Variants in PROM1 observed in about 807,000 individuals in gnomAD.
The protein encoded by PROM1 is prominin-1.
A neutral mutation model predicts 116.9 loss-of-function variants in PROM1; 105 were observed. The observed-to-expected ratio is 0.90, with a 90% CI of 0.77 to 1.06. The LOEUF (loss-of-function observed/expected upper bound fraction) is 1.06, where lower values mean the gene tolerates loss of function less well. Among genes scored for constraint, PROM1 ranks in the 50% least tolerant of loss-of-function variants. PROM1 has a pLI of 0.00. For synonymous variants in PROM1, 393 were observed against 387.0 expected (o/e 1.02, Z -0.18); for missense variants, 1,122 against 1,045.2 (o/e 1.07, Z -1.01).
At chr4:16,023,441 G>C (rs748286968) in intron 7 of PROM1, 26 bp from the exon 8 acceptor site, 1 of 1,534,574 alleles carries the variant, frequency 6.5e-7, no homozygotes, top group Non-Finnish European at 8.9e-7. Context: ...CACAAAGATG[G>C]TGAGGGTGGC....
intron 5 of PROM1, among the ~76,000 whole-genome samples, chr4:16,032,044 C>A (rs1732828741): frequency 6.6e-6 from 1 of 152,200 alleles, no homozygotes; most frequent in Non-Finnish European, 1.5e-5. Flanking sequence ...CCACAACCCT[C>A]AATTTCCTTT....
intron 11 of PROM1, 137 bp downstream of exon 11, chr4:16,013,138 C>T: frequency 1.5e-6 from 1 of 685,992 alleles, no homozygotes; most frequent in South Asian, 2.0e-5. Context: ...AATTGTAAAG[C>T]TCTGATATTT....
At chr4:16,037,211 T>G (rs1179902088) in intron 3 of PROM1, among the ~76,000 whole-genome samples, 1 of 152,228 alleles carries the variant, frequency 6.6e-6, no homozygotes, top group South Asian at 2.1e-4. Flanking sequence ...TGGCTAAGCA[T>G]GTTATGCTAA....
chr4:16,062,343 T>C (rs1290734116), intron 2 of PROM1, among the ~76,000 whole-genome samples: 1 of 152,142 alleles, frequency 6.6e-6, no homozygotes, highest in Non-Finnish European at 1.5e-5. Flanking sequence ...TTCCACATAA[T>C]TTTCGGGTGA....
At chr4:15,996,512 AAAATAAATAAAT>A (rs34403866) in intron 15 of PROM1, among the ~76,000 whole-genome samples, 6 of 149,498 alleles carry the variant, frequency 4.0e-5, no homozygotes, top group South Asian at 4.3e-4. Flanking sequence ...TCCATCTCAG[AAAATAAATAAAT>A]AAATAAATAA....
chr4:16,067,884 G>A (rs1224472599), intron 2 of PROM1, among the ~76,000 whole-genome samples: 3 of 152,132 alleles, frequency 2.0e-5, no homozygotes, highest in South Asian at 2.1e-4. Context: ...ATGGCTCCAC[G>A]GTTTATGATT....
chr4:16,000,593 C>A lies in PROM1; in HGVS notation c.1481G>T (p.Cys494Phe). Reference protein sequence around the residue: ...MVGVGLSFLFCWILMIIVVLT... With the variant: ...MVGVGLSFLFFWILMIIVVLT... The stretch of plus-strand genomic sequence containing the variant: ...AACCACAATGATCATCAATATCCAG[C>A]AAAAGAGGAAACTTAATCCAACTCC... The change falls in exon 14 of 28, where the codon TGC (cysteine) becomes TTC (phenylalanine). Residue 494 changes from cysteine (C) to phenylalanine (F), a missense_variant. Cys to Phe is a radical substitution (Grantham distance 205, BLOSUM62 -2). Coordinates refer to ENST00000447510, the MANE Select transcript of PROM1 (RefSeq NM_006017.3). The A allele has an allele frequency of 6.4e-7, 1 of 1,570,858 alleles. No homozygotes were observed. Among genetic ancestry groups the A allele is most frequent in the Non-Finnish European group, 8.7e-7 (1 of 1,150,968 alleles).
intron 23 of PROM1, 80 bp downstream of exon 23, chr4:15,984,183 T>C (rs1387861584): frequency 1.7e-6 from 2 of 1,159,778 alleles, no homozygotes; most frequent in African/African-American, 3.1e-5. Context: ...AAAACAAATA[T>C]TATAATGTAT....
At chr4:16,004,805 A>ATCTTTCTT (rs147556972) in intron 13 of PROM1, among the ~76,000 whole-genome samples, 6 of 124,980 alleles carry the variant, frequency 4.8e-5, no homozygotes, top group African/African-American at 1.2e-4. Context: ...CTTGCAGCTA[A>ATCTTTCTT]TCTTTCTTTC....
At chr4:16,024,400 CA>C in intron 6 of PROM1, 42 bp from the exon 7 acceptor site, 1 of 1,532,602 alleles carries the variant, frequency 6.5e-7, no homozygotes, top group Non-Finnish European at 8.9e-7. Flanking sequence ...TTCTAAGGTC[CA>C]AAGGCAATAA....
chr4:15,982,694 C>T (rs1418003575), intron 23 of PROM1, among the ~76,000 whole-genome samples: 1 of 152,080 alleles, frequency 6.6e-6, no homozygotes, highest in African/African-American at 2.4e-5. Flanking sequence ...GGAGGCTGGA[C>T]ATAGAGAGAC....
At chr4:15,989,968 G>C in intron 18 of PROM1, 144 bp from the exon 19 acceptor site, 1 of 651,104 alleles carries the variant, frequency 1.5e-6, no homozygotes, top group Non-Finnish European at 2.7e-6. Flanking sequence ...GGGGGCTGGT[G>C]TGAGGGATAG....
At chr4:15,984,014 A>G (rs1718633879) in intron 23 of PROM1, among the ~76,000 whole-genome samples, 1 of 152,190 alleles carries the variant, frequency 6.6e-6, no homozygotes, top group East Asian at 1.9e-4. Flanking sequence ...GATTATTCTG[A>G]ACTAACAGGA....
chr4:16,075,569 G>T (rs1161941884), intron 2 of PROM1, 118 bp downstream of exon 2: 15 of 1,023,090 alleles, frequency 1.5e-5, no homozygotes, highest in Non-Finnish European at 1.9e-5. Flanking sequence ...TTCTGCTTCT[G>T]TGCAAAGCAA....
chr4:15,972,002 C>T (rs1187163373), intron 26 of PROM1: 1 of 152,220 alleles, frequency 6.6e-6, no homozygotes, highest in Non-Finnish European at 1.5e-5. Context: ...TGTTACTGTC[C>T]ACCTCACCAG....
intron 2 of PROM1, among the ~76,000 whole-genome samples, chr4:16,059,022 C>T (rs1449957291): frequency 6.6e-6 from 1 of 152,176 alleles, no homozygotes; most frequent in South Asian, 2.1e-4. Context: ...TGGACAGAAC[C>T]TTTATATCAA....
chr4:16,051,260 A>T (rs1266531182), intron 2 of PROM1, among the ~76,000 whole-genome samples: 1 of 152,252 alleles, frequency 6.6e-6, no homozygotes, highest in Non-Finnish European at 1.5e-5. Flanking sequence ...AAATGCCAGG[A>T]TGGGAGATGA....
At chr4:16,011,964 T>C (rs534175664) in intron 11 of PROM1, among the ~76,000 whole-genome samples, 1 of 152,298 alleles carries the variant, frequency 6.6e-6, no homozygotes, top group South Asian at 2.1e-4. Context: ...TAGCTTTACA[T>C]AGCTTCAGAG....
At chr4:15,975,038 A>G (rs956383682) in intron 26 of PROM1, among the ~76,000 whole-genome samples, 1 of 152,202 alleles carries the variant, frequency 6.6e-6, no homozygotes, top group Non-Finnish European at 1.5e-5. Context: ...TTAGAGCCAC[A>G]CTTAGTTATC....
Sources: gnomAD v4.1 joint callset for allele counts (sites outside exome capture counted in the v4.1 genomes callset) on GRCh38, gnomAD v4.1.1 for gene constraint, MANE v1.5 for transcripts, NCBI Gene and HGNC (gene_info 2026-07-23, HGNC 2026-07-21) for gene names.